GRID2: variants seen among roughly 807,000 people sequenced by gnomAD.
The protein encoded by GRID2 is glutamate ionotropic receptor delta type subunit 2, also known as glutamate receptor ionotropic, delta-2.
A neutral mutation model predicts 114.8 loss-of-function variants in GRID2; 33 were observed. That is an observed-to-expected ratio of 0.29 (90% CI 0.22 to 0.38). GRID2 has a LOEUF of 0.38. Ranked by LOEUF, GRID2 falls within the 10% of genes least tolerant of loss-of-function variation. The pLI is 1.00. For missense variants in GRID2, 1,184 were observed against 1,257.7 expected (o/e 0.94, Z 0.89); for synonymous variants, 505 against 449.9 (o/e 1.12, Z -1.55).
intron 4 of GRID2, among the ~76,000 whole-genome samples, chr4:93,140,379 C>G (rs974402444): frequency 3.9e-5 from 6 of 152,148 alleles, no homozygotes; most frequent in African/African-American, 1.2e-4. Context: ...CGGATGGTCT[C>G]TTTCTCCTGA....
chr4:92,375,885 A>G (rs1056957864), intron 1 of GRID2, among the ~76,000 whole-genome samples: 11 of 152,198 alleles, frequency 7.2e-5, no homozygotes, highest in African/African-American at 2.4e-4. Flanking sequence ...CAAAACTAAT[A>G]TAAGCACATT....
At chr4:93,682,460 T>C (rs1725655592) in intron 14 of GRID2, among the ~76,000 whole-genome samples, 1 of 151,960 alleles carries the variant, frequency 6.6e-6, no homozygotes, top group Non-Finnish European at 1.5e-5. Flanking sequence ...TAAATCATGC[T>C]GCTATAAAGA....
At chr4:93,536,798 G>A (rs931206463) in intron 13 of GRID2, among the ~76,000 whole-genome samples, 1 of 151,540 alleles carries the variant, frequency 6.6e-6, no homozygotes, top group Non-Finnish European at 1.5e-5. Flanking sequence ...GGACATATTT[G>A]TGCTTATAAA....
chr4:93,704,194 G>A (rs1258700649), intron 14 of GRID2, among the ~76,000 whole-genome samples: 1 of 152,122 alleles, frequency 6.6e-6, no homozygotes, highest in Non-Finnish European at 1.5e-5. Context: ...CATTCTAATT[G>A]GTGTGAGATG....
chr4:93,235,274 C>A (rs901195326), intron 7 of GRID2, among the ~76,000 whole-genome samples: 2 of 152,034 alleles, frequency 1.3e-5, no homozygotes, highest in African/African-American at 2.4e-5. Flanking sequence ...TTTACTCTGG[C>A]AGCAATTTTT....
intron 2 of GRID2, among the ~76,000 whole-genome samples, chr4:92,972,110 GAAACTTCCA>G (rs1182231401): frequency 2.0e-5 from 3 of 151,614 alleles, no homozygotes; most frequent in African/African-American, 7.3e-5. Flanking sequence ...TTTTTTCTCA[GAAACTTCCA>G]TACTGTTCTC....
At chr4:92,429,861 G>C (rs1732353892) in intron 1 of GRID2, among the ~76,000 whole-genome samples, 1 of 152,108 alleles carries the variant, frequency 6.6e-6, no homozygotes, top group South Asian at 2.1e-4. Context: ...CAATGATATG[G>C]AGCACCTTTT....
At chr4:92,857,908 C>A (rs565106421) in intron 2 of GRID2, among the ~76,000 whole-genome samples, 1 of 152,162 alleles carries the variant, frequency 6.6e-6, no homozygotes, top group Non-Finnish European at 1.5e-5. Flanking sequence ...AGCCATTGCT[C>A]ATTTGCCATT....
intron 3 of GRID2, among the ~76,000 whole-genome samples, chr4:93,104,463 C>T (rs2149343901): frequency 6.6e-6 from 1 of 152,028 alleles, no homozygotes; most frequent in Non-Finnish European, 1.5e-5. Context: ...CCCACTCCCC[C>T]CACCCCACAA....
chr4:93,206,591 TACACACACACACAC>T (rs5860312), intron 4 of GRID2, among the ~76,000 whole-genome samples: 16 of 143,044 alleles, frequency 1.1e-4, no homozygotes, highest in African/African-American at 1.8e-4. Context: ...CTGCCCCTAC[TACACACACACACAC>T]ACACACACAC....
In GRID2 at chr4:92,977,831, G is replaced by C. The variant is rs552730674; in HGVS notation, c.245-107164G>C. ...TCCATATTTCTAGTCTGAGCAATTA[G>C]ATAGCTACAATGTCAGTTATTGAGA... On this transcript the variant is annotated intron_variant, in intron 2 of 15. Transcript: ENST00000282020. 1.4e-3 allele frequency among the ~76,000 whole-genome samples: 212 copies of C among 152,264 alleles called. 1 individual carries two copies. Among genetic ancestry groups the C allele is most frequent in the African/African-American group, 4.9e-3 (204 of 41,568 alleles).
At chr4:93,387,525 C>T (rs1224295370) in intron 8 of GRID2, among the ~76,000 whole-genome samples, 1 of 152,094 alleles carries the variant, frequency 6.6e-6, no homozygotes, top group Non-Finnish European at 1.5e-5. Context: ...TTACTTAAAG[C>T]ATCATATAAG....
At chr4:92,401,129 C>G (rs1172226858) in intron 1 of GRID2, among the ~76,000 whole-genome samples, 1 of 151,962 alleles carries the variant, frequency 6.6e-6, no homozygotes, top group African/African-American at 2.4e-5. Flanking sequence ...TGTTGCTGTG[C>G]TTTTGTTGTT....
intron 4 of GRID2, among the ~76,000 whole-genome samples, chr4:93,192,510 G>A (rs1484724054): frequency 2.6e-5 from 4 of 152,082 alleles, no homozygotes; most frequent in Non-Finnish European, 5.9e-5. Flanking sequence ...GGAAGGCCAA[G>A]GTGGGCAGAT....
chr4:92,470,899 C>T (rs1031656777), intron 1 of GRID2, among the ~76,000 whole-genome samples: 2 of 151,972 alleles, frequency 1.3e-5, no homozygotes, highest in African/African-American at 4.8e-5. Flanking sequence ...GGCTTAACTG[C>T]TTCACAGGAA....
chr4:92,379,194 A>G (rs1026755311), intron 1 of GRID2, among the ~76,000 whole-genome samples: 3 of 144,038 alleles, frequency 2.1e-5, no homozygotes, highest in Non-Finnish European at 3.0e-5. Context: ...ATATAAAATG[A>G]TTATGTACAT....
chr4:92,872,687 A>G (rs528261449), intron 2 of GRID2, among the ~76,000 whole-genome samples: 9 of 152,210 alleles, frequency 5.9e-5, no homozygotes, highest in Non-Finnish European at 8.8e-5. Context: ...GAAACATTTT[A>G]TAGGAAATTT....
chr4:92,428,270 A>G (rs917898345), intron 1 of GRID2, among the ~76,000 whole-genome samples: 3 of 151,968 alleles, frequency 2.0e-5, no homozygotes, highest in Non-Finnish European at 4.4e-5. Flanking sequence ...CAAAGTAATA[A>G]TAATAATAAT....
chr4:93,594,371 T>A (rs2149623502), intron 13 of GRID2, among the ~76,000 whole-genome samples: 1 of 152,184 alleles, frequency 6.6e-6, no homozygotes, highest in Non-Finnish European at 1.5e-5. Flanking sequence ...TGCTCGGGGG[T>A]CAGGGGTCAG....
Sources: gnomAD v4.1 joint callset for allele counts (sites outside exome capture counted in the v4.1 genomes callset) on GRCh38, gnomAD v4.1.1 for gene constraint, MANE v1.5 for transcripts, NCBI Gene and HGNC (gene_info 2026-07-23, HGNC 2026-07-21) for gene names.